Variants in NUBPL observed in about 807,000 individuals in gnomAD.
NUBPL encodes the protein NUBP iron-sulfur cluster assembly factor, mitochondrial.
NUBPL carries 31 observed loss-of-function variants against 45.7 expected under a neutral mutation model. The ratio of observed to expected loss-of-function variants is 0.68; its 90% CI spans 0.51 to 0.92. The LOEUF (loss-of-function observed/expected upper bound fraction) is 0.92. NUBPL is among the 40% of genes least tolerant of loss of function. NUBPL has a pLI of 0.00. For missense variants in NUBPL, 401 were observed against 398.7 expected, an observed-to-expected ratio of 1.01 and a Z score of -0.05; for synonymous variants, 144 against 140.9, an observed-to-expected ratio of 1.02 and a Z score of -0.15.
chr14:31,561,479 T>TC lies in NUBPL; in HGVS notation c.41dup (p.Leu15AlafsTer29). The TC allele has an allele frequency of 1.4e-6, 2 of 1,411,732 alleles. No homozygotes were observed. Among genetic ancestry groups the TC allele is most frequent in the Non-Finnish European group, 1.9e-6 (2 of 1,073,508 alleles). 87.5% of individuals were successfully genotyped at this position (1,411,732 alleles called of 1,614,324 possible). A position where few individuals can be genotyped will look rare whatever the true frequency, so the allele number is the denominator to read the frequency against. On this transcript the variant is annotated frameshift_variant, in exon 1 of 11. Coordinates refer to ENST00000281081, the MANE Select transcript of NUBPL (RefSeq NM_025152.3). LOFTEE classifies it high-confidence loss of function. ...GCGTCTGCTGCTTTTTGGTGGGGTG[T>TC]CGCTCCGGGCTGGTGGCGGGGCCAC...
chr14:31,762,769 A>G (rs2038839782), intron 6 of NUBPL, among the ~76,000 whole-genome samples: 1 of 145,640 alleles, frequency 6.9e-6, no homozygotes, highest in Non-Finnish European at 1.5e-5. Flanking sequence ...TGAAGGCAAG[A>G]ATACCAGTTA....
At chr14:31,773,544 C>G (rs2039046937) in intron 6 of NUBPL, among the ~76,000 whole-genome samples, 1 of 152,142 alleles carries the variant, frequency 6.6e-6, no homozygotes, top group Non-Finnish European at 1.5e-5. Context: ...AAGACCCATT[C>G]AAACCCTGGA....
intron 3 of NUBPL, among the ~76,000 whole-genome samples, chr14:31,595,718 A>C (rs990879120): frequency 6.6e-6 from 1 of 152,218 alleles, no homozygotes; most frequent in African/African-American, 2.4e-5. Context: ...AAAATAACGG[A>C]GTCAATTATG....
intron 3 of NUBPL, among the ~76,000 whole-genome samples, chr14:31,593,624 T>C (rs2034207685): frequency 6.6e-6 from 1 of 150,756 alleles, no homozygotes; most frequent in Middle Eastern, 3.2e-3. Flanking sequence ...ATATGTTGAA[T>C]ACTAATATAG....
At chr14:31,673,974 C>T (rs2036634374) in intron 6 of NUBPL, among the ~76,000 whole-genome samples, 1 of 151,976 alleles carries the variant, frequency 6.6e-6, no homozygotes, top group Non-Finnish European at 1.5e-5. Flanking sequence ...AACCAATGTA[C>T]TTGTGATTTA....
chr14:31,777,110 G>T (rs745904211), intron 6 of NUBPL, among the ~76,000 whole-genome samples: 1 of 152,170 alleles, frequency 6.6e-6, no homozygotes, highest in Non-Finnish European at 1.5e-5. Flanking sequence ...AGCCCCAAAG[G>T]TTCTATAGAT....
intron 6 of NUBPL, among the ~76,000 whole-genome samples, chr14:31,697,380 TAGTG>T (rs528524226): frequency 2.0e-4 from 30 of 152,272 alleles, no homozygotes; most frequent in Admixed American, 4.6e-4. Flanking sequence ...CAACAAAAAA[TAGTG>T]AGGCTGAAGT....
At chr14:31,851,302 C>T (rs2040535639) in intron 10 of NUBPL, among the ~76,000 whole-genome samples, 1 of 149,538 alleles carries the variant, frequency 6.7e-6, no homozygotes, top group Non-Finnish European at 1.5e-5. Flanking sequence ...TTTTTCCAAA[C>T]ATAACTGCTG....
intron 8 of NUBPL, among the ~76,000 whole-genome samples, chr14:31,842,235 C>G (rs111789490): frequency 6.6e-6 from 1 of 151,696 alleles, no homozygotes; most frequent in African/African-American, 2.4e-5. Flanking sequence ...CTGTTCTGGG[C>G]TCTTTATTCT....
intron 8 of NUBPL, among the ~76,000 whole-genome samples, chr14:31,834,401 G>C (rs187344293): frequency 4.6e-5 from 7 of 151,904 alleles, no homozygotes; most frequent in South Asian, 2.1e-4. Context: ...GGATGGTCTC[G>C]ATCTCCTGAC....
intron 4 of NUBPL, among the ~76,000 whole-genome samples, chr14:31,621,632 A>G (rs2035065378): frequency 6.6e-6 from 1 of 152,164 alleles, no homozygotes; most frequent in Non-Finnish European, 1.5e-5. Context: ...CTGTCCAACC[A>G]GTCCCAATGA....
chr14:31,669,809 G>GT (rs35705230), intron 4 of NUBPL, among the ~76,000 whole-genome samples: 8 of 51,558 alleles, frequency 1.6e-4, no homozygotes, highest in African/African-American at 7.5e-4. Context: ...TTTTTTTTTT[G>GT]TTTTTTTTTT....
intron 6 of NUBPL, among the ~76,000 whole-genome samples, chr14:31,774,445 G>A (rs1258415691): frequency 1.3e-5 from 2 of 152,154 alleles, no homozygotes; most frequent in Non-Finnish European, 2.9e-5. Flanking sequence ...CAACCTATTT[G>A]CACTTGTGTT....
chr14:31,589,543 G>A (rs1016789150), intron 3 of NUBPL, among the ~76,000 whole-genome samples: 2 of 152,134 alleles, frequency 1.3e-5, no homozygotes, highest in Non-Finnish European at 2.9e-5. Flanking sequence ...ATATTAAAAT[G>A]AAAGATGAAG....
chr14:31,645,774 A>AAACCCC (rs71399630), intron 4 of NUBPL, among the ~76,000 whole-genome samples: 1 of 82,788 alleles, frequency 1.2e-5, no homozygotes, highest in Non-Finnish European at 2.4e-5. Context: ...TATACTTTAC[A>AAACCCC]CCCCCCCCCC....
chr14:31,793,148 A>C (rs1261396533), intron 7 of NUBPL, among the ~76,000 whole-genome samples: 2 of 152,090 alleles, frequency 1.3e-5, no homozygotes, highest in Non-Finnish European at 2.9e-5. Context: ...TCTCATTTGA[A>C]TATCCTTGTA....
At chr14:31,594,862 C>T (rs1245872497) in intron 3 of NUBPL, among the ~76,000 whole-genome samples, 1 of 152,114 alleles carries the variant, frequency 6.6e-6, no homozygotes, top group Non-Finnish European at 1.5e-5. Context: ...CGAGATTAAA[C>T]TGAATATAAT....
intron 4 of NUBPL, among the ~76,000 whole-genome samples, chr14:31,634,932 G>T (rs1330186264): frequency 7.3e-6 from 1 of 137,256 alleles, no homozygotes; most frequent in Non-Finnish European, 1.5e-5. Flanking sequence ...TTTTTGATGG[G>T]GTTGTTTGTT....
At chr14:31,799,609 A>G (rs773608160) in intron 7 of NUBPL, among the ~76,000 whole-genome samples, 22 of 152,232 alleles carry the variant, frequency 1.4e-4, no homozygotes, top group African/African-American at 5.1e-4. Flanking sequence ...ACTTACATTT[A>G]CACTATACAG....
Sources: gnomAD v4.1 joint callset for allele counts (sites outside exome capture counted in the v4.1 genomes callset) on GRCh38, gnomAD v4.1.1 for gene constraint, MANE v1.5 for transcripts, NCBI Gene and HGNC (gene_info 2026-07-23, HGNC 2026-07-21) for gene names.